UBE2D2: variants seen among roughly 807,000 people sequenced by gnomAD.
UBE2D2 encodes ubiquitin-conjugating enzyme E2 D2.
UBE2D2 carries 2 observed loss-of-function variants against 24.2 expected under a neutral mutation model. That is an observed-to-expected ratio of 0.08 (90% CI 0.03 to 0.26). UBE2D2 has a LOEUF of 0.26. UBE2D2 is among the 10% of genes least tolerant of loss of function. UBE2D2 has a pLI of 1.00. For missense variants in UBE2D2, 44 were observed against 177.6 expected (o/e 0.25, Z 4.28); for synonymous variants, 58 against 56.5 (o/e 1.03, Z -0.12).
chr5:139,549,546 G>A (rs1034414843), intron 1 of UBE2D2, among the ~76,000 whole-genome samples: 1 of 152,212 alleles, frequency 6.6e-6, no homozygotes, highest in Admixed American at 6.5e-5. Context: ...CCTGCTCTGC[G>A]CTCAAATTCT....
At chr5:139,528,019 G>A (rs1422513896) in intron 1 of UBE2D2, among the ~76,000 whole-genome samples, 1 of 152,258 alleles carries the variant, frequency 6.6e-6, no homozygotes, top group Non-Finnish European at 1.5e-5. Context: ...AATAAGTCAT[G>A]CCAAGCTCTC....
At chr5:139,606,726 A>T (rs1424910551) in intron 2 of UBE2D2, among the ~76,000 whole-genome samples, 1 of 152,208 alleles carries the variant, frequency 6.6e-6, no homozygotes, top group East Asian at 1.9e-4. Context: ...AAATGTAGCA[A>T]TATTTTATGC....
At chr5:139,604,255 C>A (rs1042876799) in intron 2 of UBE2D2, among the ~76,000 whole-genome samples, 1 of 151,624 alleles carries the variant, frequency 6.6e-6, no homozygotes, top group African/African-American at 2.4e-5. Context: ...GTTCTCCTGC[C>A]TCAGCCTCCC....
chr5:139,577,404 CTTTTTT>C (rs869189901), intron 1 of UBE2D2, among the ~76,000 whole-genome samples: 4 of 69,110 alleles, frequency 5.8e-5, no homozygotes, highest in Admixed American at 1.9e-4. Context: ...TAGCATCTCT[CTTTTTT>C]TTTTTTTTTT....
intron 1 of UBE2D2, among the ~76,000 whole-genome samples, chr5:139,595,892 G>GTTT (rs70988709): frequency 1.4e-3 from 137 of 98,820 alleles, no homozygotes; most frequent in Non-Finnish European, 2.1e-3. Context: ...GTTTTTTGTT[G>GTTT]TTTTTTTTTT....
In UBE2D2 at chr5:139,594,031, T is replaced by G. The variant is rs185236131; in HGVS notation, c.25-6341T>G. ...TATTCAGACTACTAAAACTTGACTT[T>G]AGAGCCATTTTTCTACAAAGTTAAT... On this transcript the variant is annotated intron_variant, in intron 1 of 6. Coordinates refer to ENST00000398733, the MANE Select transcript of UBE2D2 (RefSeq NM_003339.3). Among the ~76,000 whole-genome samples, 40 of 152,358 alleles carry G rather than the reference T, an allele frequency of 2.6e-4. 1 individual carries two copies. Among genetic ancestry groups the G allele is most frequent in the African/African-American group, 9.1e-4 (38 of 41,578 alleles).
chr5:139,625,878 T>C (rs181287469), intron 6 of UBE2D2, among the ~76,000 whole-genome samples: 1 of 152,178 alleles, frequency 6.6e-6, no homozygotes, highest in Non-Finnish European at 1.5e-5. Flanking sequence ...GTGCTGGGAT[T>C]ACAGGCGTGA....
At chr5:139,554,791 A>C (rs1752959355) in intron 1 of UBE2D2, 1 of 152,196 alleles carries the variant, frequency 6.6e-6, no homozygotes, top group Non-Finnish European at 1.5e-5. Context: ...CCCCACTTGC[A>C]ATGTATGAGA....
intron 2 of UBE2D2, among the ~76,000 whole-genome samples, chr5:139,610,170 C>A (rs1754283981): frequency 6.6e-6 from 1 of 152,118 alleles, no homozygotes; most frequent in African/African-American, 2.4e-5. Flanking sequence ...GCATGTAGGG[C>A]AACTCAGAAA....
intron 5 of UBE2D2, among the ~76,000 whole-genome samples, chr5:139,618,764 A>G (rs1288814032): frequency 1.3e-5 from 2 of 152,318 alleles, no homozygotes; most frequent in African/African-American, 2.4e-5. Context: ...ATCCTTTAAA[A>G]TAGTTGCAGT....
intron 2 of UBE2D2, among the ~76,000 whole-genome samples, chr5:139,602,895 A>G (rs1754112114): frequency 6.6e-6 from 1 of 152,210 alleles, no homozygotes; most frequent in African/African-American, 2.4e-5. Flanking sequence ...TTGGTACCAA[A>G]CAAGGCAGGC....
At chr5:139,580,113 G>A (rs987989522) in intron 1 of UBE2D2, among the ~76,000 whole-genome samples, 2 of 150,880 alleles carry the variant, frequency 1.3e-5, no homozygotes, top group Non-Finnish European at 1.5e-5. Flanking sequence ...TTTTTTTTGA[G>A]ACAGAGTCTC....
At chr5:139,544,880 G>A (rs1261297418) in intron 1 of UBE2D2, among the ~76,000 whole-genome samples, 9 of 151,784 alleles carry the variant, frequency 5.9e-5, no homozygotes, top group East Asian at 1.9e-4. Context: ...AGGTTCAAGC[G>A]ATTCTCCTGC....
chr5:139,577,118 G>A (rs186158558), intron 1 of UBE2D2, among the ~76,000 whole-genome samples: 2 of 152,152 alleles, frequency 1.3e-5, no homozygotes, highest in Admixed American at 6.6e-5. Flanking sequence ...GGTGGTAACC[G>A]TGGTCAGACT....
At chr5:139,594,947 A>G (rs1203133631) in intron 1 of UBE2D2, among the ~76,000 whole-genome samples, 1 of 152,140 alleles carries the variant, frequency 6.6e-6, no homozygotes, top group Non-Finnish European at 1.5e-5. Context: ...AGTCATCTCT[A>G]GATTACTTAT....
intron 2 of UBE2D2, among the ~76,000 whole-genome samples, chr5:139,601,782 G>A (rs1754083807): frequency 6.6e-6 from 1 of 151,704 alleles, no homozygotes; most frequent in Admixed American, 6.6e-5. Context: ...ATGGTGACAG[G>A]CGCCTGTAAT....
chr5:139,553,912 T>A (rs1752950627), intron 1 of UBE2D2, among the ~76,000 whole-genome samples: 1 of 152,080 alleles, frequency 6.6e-6, no homozygotes, highest in Non-Finnish European at 1.5e-5. Flanking sequence ...CCTAAGTAGC[T>A]GGGACTACAG....
intron 6 of UBE2D2, 39 bp downstream of exon 6, chr5:139,623,500 G>A (rs1321804850): frequency 2.0e-6 from 3 of 1,521,784 alleles, no homozygotes; most frequent in South Asian, 1.2e-5. Flanking sequence ...TCTGTGGTGG[G>A]ATGGAGATGT....
intron 1 of UBE2D2, among the ~76,000 whole-genome samples, chr5:139,533,325 T>C (rs1048119638): frequency 5.9e-5 from 9 of 151,576 alleles, no homozygotes; most frequent in African/African-American, 1.9e-4. Flanking sequence ...ATTGATGGCA[T>C]GTAAATTATA....
Sources: allele counts gnomAD v4.1 joint callset (sites outside exome capture counted in the v4.1 genomes callset), GRCh38; gene constraint gnomAD v4.1.1; transcripts MANE v1.5; gene names NCBI Gene and HGNC (gene_info 2026-07-23, HGNC 2026-07-21).